NUP160: variants seen among roughly 807,000 people sequenced by gnomAD.
NUP160 encodes nuclear pore complex protein Nup160.
In NUP160, 94 loss-of-function variants were observed where a neutral mutation model predicts 196.9. That is an observed-to-expected ratio of 0.48 (90% confidence interval 0.40 to 0.57). NUP160 has a LOEUF of 0.57. Ranked by LOEUF, NUP160 falls within the 20% of genes least tolerant of loss-of-function variation. The probability of loss-of-function intolerance (pLI) is 0.00; values close to 1 mark genes in which losing one functional copy is unlikely to be tolerated. For missense variants in NUP160, 1,638 were observed against 1,748.3 expected (o/e 0.94, Z 1.13); for synonymous variants, 605 against 619.7 (o/e 0.98, Z 0.35).
At chr11:47,842,489 T>C (rs1852325444) in intron 2 of NUP160, among the ~76,000 whole-genome samples, 1 of 152,048 alleles carries the variant, frequency 6.6e-6, no homozygotes, top group Non-Finnish European at 1.5e-5. Flanking sequence ...ACCATGCCCT[T>C]TGGGGTGGGG....
At chr11:47,799,316 C>G (rs2097672776) in intron 23 of NUP160, among the ~76,000 whole-genome samples, 1 of 151,966 alleles carries the variant, frequency 6.6e-6, no homozygotes, top group African/African-American at 2.4e-5. Flanking sequence ...GATCCCCTGA[C>G]CTCAGGTGAT....
At chr11:47,845,281 T>C (rs1852379153) in intron 2 of NUP160, among the ~76,000 whole-genome samples, 1 of 152,238 alleles carries the variant, frequency 6.6e-6, no homozygotes. Flanking sequence ...GCTGGGATTA[T>C]AGGCATGTGC....
Position 47,848,213 on chromosome 11 carries a change from C to G in NUP160, c.202+6G>C, listed in dbSNP as rs1182717693. On this transcript the variant is annotated splice_donor_region_variant and intron_variant, in intron 1 of 35. Transcript: ENST00000378460. The stretch of plus-strand genomic sequence containing the variant: ...GGGATCGCACCCTCCCTGGCCATTT[C>G]CGTACCAATGCTGCAGACTGTGAAT... The G allele has an allele frequency of 1.3e-5, 21 of 1,614,078 alleles. No individual in the cohort carries two copies. Among genetic ancestry groups the G allele is most frequent in the Non-Finnish European group, 1.8e-5 (21 of 1,180,040 alleles).
exon 24 of NUP160, chr11:47,798,392 T>G: frequency 1.9e-6 from 3 of 1,610,994 alleles, no homozygotes; most frequent in Non-Finnish European, 2.5e-6. Context: ...CATCACCTGC[T>G]TCAGTTATGG....
exon 19 of NUP160, chr11:47,807,128 G>C (rs1170831359): frequency 1.2e-6 from 2 of 1,609,916 alleles, no homozygotes; most frequent in South Asian, 2.2e-5. Flanking sequence ...ATAAGTGTTG[G>C]AGATTAGACT....
chr11:47,817,567 G>A (rs571727839), intron 11 of NUP160, among the ~76,000 whole-genome samples: 4 of 151,052 alleles, frequency 2.6e-5, no homozygotes, highest in East Asian at 2.0e-4. Context: ...GGATGGTCTC[G>A]ATCTCTTGAC....
Position 47,797,652 on chromosome 11 carries a change from A to G in NUP160, c.3289+127T>C, listed in dbSNP as rs776793717. The stretch of plus-strand genomic sequence containing the variant: ...GCCTATCTTCAAGGTAATCTTCACA[A>G]GGTTTAAGCTAATCTTGTACTTAAA... On this transcript the variant is annotated intron_variant, in intron 27 of 35. Transcript: ENST00000378460. The G allele has an allele frequency of 3.2e-4, 212 of 660,822 alleles. No individual in the cohort carries two copies. The Middle Eastern group carries it at 4.4e-3, about 14-fold the overall frequency. The allele number at this position is 660,822 out of a possible 1,614,324, so 40.9% of individuals were successfully genotyped here.
intron 32 of NUP160, 75 bp downstream of exon 32, chr11:47,786,378 A>T (rs1378376538): frequency 3.4e-6 from 3 of 894,192 alleles, no homozygotes; most frequent in Non-Finnish European, 5.5e-6. Context: ...TCTATGTAGG[A>T]CAATTTAGTC....
intron 33 of NUP160, 142 bp downstream of exon 33, chr11:47,784,780 C>T (rs565024961): frequency 1.6e-4 from 84 of 515,826 alleles, no homozygotes; most frequent in African/African-American, 1.5e-3. Context: ...GGGCTCAAGC[C>T]ATCCTCCCCT....
intron 22 of NUP160, among the ~76,000 whole-genome samples, chr11:47,803,121 T>C (rs1173761231): frequency 2.7e-5 from 4 of 148,586 alleles, no homozygotes; most frequent in Non-Finnish European, 6.0e-5. Flanking sequence ...CTGTGCAACA[T>C]AGTGAGACCC....
At chr11:47,827,794 CA>C (rs1179874436) in intron 7 of NUP160, among the ~76,000 whole-genome samples, 1 of 151,186 alleles carries the variant, frequency 6.6e-6, no homozygotes, top group Admixed American at 6.6e-5. Context: ...CACCTCCCTC[CA>C]AAAAAATTTT....
At chr11:47,778,215 G>A (rs921899208) in exon 36 of NUP160, 1 of 152,352 alleles carries the variant, frequency 6.6e-6, no homozygotes, top group Admixed American at 6.6e-5. Flanking sequence ...ATACAAGCAA[G>A]TAGTATACAG....
chr11:47,822,130 T>G lies in NUP160; in HGVS notation c.1136A>C (p.Asn379Thr), dbSNP rs1405354299. 3.7e-6 allele frequency: 6 copies of G among 1,611,124 alleles called. No individual in the cohort carries two copies. The highest frequency in any genetic ancestry group is 5.1e-6 in the Non-Finnish European group (6 of 1,178,192). Residue 379 changes from asparagine to threonine, a missense_variant, in exon 8 of 36, where the codon AAT (asparagine) becomes ACT (threonine). Around this residue, in one of 3 missense-constraint regions of NUP160, gnomAD observed 1,345 missense variants for 1,470.2 expected, o/e 0.91. Transcript: ENST00000378460. ...AGAAATATGATCGAGACTATAGCGA[T>G]TACTCTCAGTGCTCACCAACTGGAA... is the stretch of plus-strand genomic sequence containing the variant.
At chr11:47,813,533 A>G (rs2097682345) in intron 13 of NUP160, 118 bp from the exon 14 acceptor site, 3 of 651,466 alleles carry the variant, frequency 4.6e-6, no homozygotes, top group East Asian at 5.6e-5. Flanking sequence ...CTATAAAATA[A>G]TAGGTGTAAG....
chr11:47,836,365 C>G (rs1305685809), intron 6 of NUP160, among the ~76,000 whole-genome samples: 1 of 152,072 alleles, frequency 6.6e-6, no homozygotes, highest in Non-Finnish European at 1.5e-5. Flanking sequence ...TCTTGAAAAC[C>G]ATTTTACCAA....
At chr11:47,795,860 A>G (rs557501221) in intron 27 of NUP160, among the ~76,000 whole-genome samples, 145 of 152,234 alleles carry the variant, frequency 9.5e-4, no homozygotes, top group Non-Finnish European at 1.7e-3. Context: ...GCGCTATAAA[A>G]AACATTATTG....
chr11:47,796,698 G>C (rs1004321271), intron 27 of NUP160, among the ~76,000 whole-genome samples: 3 of 152,154 alleles, frequency 2.0e-5, no homozygotes, highest in Middle Eastern at 3.2e-3. Flanking sequence ...GAATTCACCA[G>C]GATATCATTT....
At chr11:47,785,472 A>G (rs2097664019) in intron 32 of NUP160, among the ~76,000 whole-genome samples, 1 of 152,206 alleles carries the variant, frequency 6.6e-6, no homozygotes, top group Non-Finnish European at 1.5e-5. Flanking sequence ...AATCAATAAT[A>G]TAGCTAAATG....
At position 47,816,066 on chromosome 11, in the gene NUP160, G is replaced by A. The variant is rs1400788940; in HGVS notation, c.1432-37C>T. On this transcript the variant is annotated intron_variant, in intron 11 of 35. Coordinates refer to ENST00000378460, the Ensembl canonical transcript of NUP160. ...AGACATTTTAGACTTCTATATAATA[G>A]CCAAAACTGAATGGAAAACGTTTCA... The A allele has an allele frequency of 3.6e-6, 5 of 1,390,046 alleles. No homozygotes were observed. In the African/African-American group the frequency reaches 7.1e-5, roughly 20 times the overall value. 86.1% of individuals were successfully genotyped at this position (1,390,046 alleles called of 1,614,324 possible).
Sources: gnomAD v4.1 joint callset for allele counts (sites outside exome capture counted in the v4.1 genomes callset) on GRCh38, gnomAD v4.1.1 for gene constraint, gnomAD v4.1.1 regional missense constraint, MANE v1.5 for transcripts, NCBI Gene and HGNC (gene_info 2026-07-23, HGNC 2026-07-21) for gene names.